Variants in SMAP2 observed in about 807,000 individuals in gnomAD.
SMAP2 encodes the protein small ArfGAP2.
In SMAP2, 25 loss-of-function variants were observed where a neutral mutation model predicts 56.4. The observed-to-expected ratio is 0.44, with a 90% confidence interval of 0.32 to 0.62. The LOEUF is 0.62. Among genes scored for constraint, SMAP2 ranks in the 20% least tolerant of loss-of-function variants. The probability of loss-of-function intolerance (pLI) is 0.04; values close to 1 mark genes in which losing one functional copy is unlikely to be tolerated. For missense variants in SMAP2, 388 were observed against 545.6 expected (o/e 0.71, Z 2.88); for synonymous variants, 157 against 181.7 (o/e 0.86, Z 1.09).
At chr1:40,409,697 CT>C in intron 3 of SMAP2, 59 bp from the exon 4 acceptor site, 1 of 1,188,744 alleles carries the variant, frequency 8.4e-7, no homozygotes, top group Non-Finnish European at 1.3e-6. Flanking sequence ...CACAATTGAT[CT>C]TTTATCTTCT....
At position 40,374,962 on chromosome 1, in the gene SMAP2, G is replaced by A; in HGVS notation, c.103+739G>A. The A allele has an allele frequency of 1.0e-6, 1 of 985,356 alleles. No individual in the cohort carries two copies. The highest frequency in any genetic ancestry group is 1.2e-6 in the Non-Finnish European group (1 of 829,902). 61.0% of individuals were successfully genotyped at this position (985,356 alleles called of 1,614,324 possible). On this transcript the variant is annotated intron_variant, in intron 1 of 9. Transcript: ENST00000372718. This position sits in a 1 kb window ranked among gnomAD's most constrained non-coding sequence, Gnocchi z 5.9. Reference sequence around the variant, plus strand: ...GTGCAGGATCCGTTTAATCAGTGGAGAGAGAAAGATGAATTCGATGAATTC... The same window carrying A: ...GTGCAGGATCCGTTTAATCAGTGGAAAGAGAAAGATGAATTCGATGAATTC...
chr1:40,345,691 C>T (rs891695310), intron 1 of SMAP2, among the ~76,000 whole-genome samples: 40 of 151,312 alleles, frequency 2.6e-4, no homozygotes, highest in African/African-American at 9.7e-4. Context: ...GAATTTATTT[C>T]CTGATCAGCA....
Position 40,358,859 on chromosome 1 carries a change from T to C in SMAP2, c.-82-3441T>C, listed in dbSNP as rs183328314. On this transcript the variant is annotated intron_variant, in intron 1 of 6. Coordinates refer to the SMAP2 transcript ENST00000435168. ...CTATTAATGTATTGGGGTCTATTTC[T>C]CTCTTTAGCTCTAATAATATTTCCT... Among the ~76,000 whole-genome samples, 188 of 152,318 alleles carry C rather than the reference T, an allele frequency of 1.2e-3. 1 individual carries two copies. The highest frequency in any genetic ancestry group is 4.4e-3 in the African/African-American group (181 of 41,564).
At chr1:40,391,477 T>C (rs1292122648) in intron 1 of SMAP2, among the ~76,000 whole-genome samples, 2 of 152,132 alleles carry the variant, frequency 1.3e-5, no homozygotes, top group Non-Finnish European at 2.9e-5. Flanking sequence ...AGGGTAATGA[T>C]TGAAATGTAT....
intron 4 of SMAP2, among the ~76,000 whole-genome samples, 189 bp downstream of exon 4, chr1:40,410,024 T>C (rs1265491732): frequency 2.6e-5 from 4 of 151,850 alleles, no homozygotes; most frequent in African/African-American, 9.7e-5. Context: ...GGAGGATCAC[T>C]TGAACCTAGA....
intron 1 of SMAP2, among the ~76,000 whole-genome samples, chr1:40,349,981 A>G (rs1644403560): frequency 1.3e-5 from 2 of 152,122 alleles, no homozygotes; most frequent in Non-Finnish European, 2.9e-5. Context: ...CCACCTTTCC[A>G]CAGAGTCAAG....
In SMAP2 at chr1:40,374,812, G is replaced by A; in HGVS notation, c.103+589G>A. The A allele has an allele frequency of 6.5e-7, 1 of 1,549,356 alleles. No homozygotes were observed. The highest frequency in any genetic ancestry group is 1.2e-5 in the South Asian group (1 of 83,978). ...TAGGTGACTTTATTCTTCTGGATGT[G>A]TGCAGTGGGAAACTGCCTTATGCAG... On this transcript the variant is annotated intron_variant, in intron 1 of 9. Transcript: ENST00000372718. The surrounding 1 kb of genome is among the most constrained non-coding windows in gnomAD (Gnocchi z 5.9).
intron 1 of SMAP2, among the ~76,000 whole-genome samples, chr1:40,378,515 GT>G (rs780460805): frequency 6.6e-6 from 1 of 152,078 alleles, no homozygotes; most frequent in Non-Finnish European, 1.5e-5. Flanking sequence ...GTCTCACTAT[GT>G]TTCTCAGGCT....
At chr1:40,372,451 T>A (rs1207420103), upstream of SMAP2, among the ~76,000 whole-genome samples, 1 of 152,150 alleles carries the variant, frequency 6.6e-6, no homozygotes, top group Non-Finnish European at 1.5e-5. Context: ...AACTAGTTAA[T>A]CTTGACTGTC....
chr1:40,348,840 T>C (rs1284839191), intron 1 of SMAP2, among the ~76,000 whole-genome samples: 1 of 151,412 alleles, frequency 6.6e-6, no homozygotes, highest in Non-Finnish European at 1.5e-5. Context: ...GTGCAATCTC[T>C]GCTCACTGCA....
At chr1:40,414,064 C>A in intron 5 of SMAP2, 95 bp from the exon 6 acceptor site, 1 of 1,036,396 alleles carries the variant, frequency 9.6e-7, no homozygotes, top group Non-Finnish European at 1.5e-6. Flanking sequence ...ATAACAGCAG[C>A]CCTACCCACA....
At chr1:40,410,457 T>C (rs1165299798) in intron 4 of SMAP2, among the ~76,000 whole-genome samples, 1 of 151,964 alleles carries the variant, frequency 6.6e-6, no homozygotes, top group East Asian at 1.9e-4. Context: ...ACTACAGCTA[T>C]ATCTATCTAC....
At chr1:40,401,025 C>T (rs1321374544) in intron 1 of SMAP2, among the ~76,000 whole-genome samples, 3 of 152,054 alleles carry the variant, frequency 2.0e-5, no homozygotes, top group Non-Finnish European at 4.4e-5. Context: ...TCTGGGAGGC[C>T]GAGAAGGGCG....
chr1:40,390,038 C>T (rs191629619), intron 1 of SMAP2, among the ~76,000 whole-genome samples: 3 of 151,894 alleles, frequency 2.0e-5, no homozygotes, highest in African/African-American at 4.8e-5. Flanking sequence ...ATTTTGACCT[C>T]ATTGTGTTCT....
chr1:40,394,010 A>G lies in SMAP2; in HGVS notation c.104-12726A>G, dbSNP rs144246905. Among the ~76,000 whole-genome samples, 273 of 152,292 alleles carry G rather than the reference A, an allele frequency of 1.8e-3. 1 individual carries two copies. The highest frequency in any genetic ancestry group is 6.1e-3 in the African/African-American group (253 of 41,544). ...GGCTCTAAAGAGAGCAAGGAAATCT[A>G]TCTTCTCCAGGAGTTTCAGTCATAG... On this transcript the variant is annotated intron_variant, in intron 1 of 9. Transcript: ENST00000372718.
Position 40,379,188 on chromosome 1 carries a change from C to G in SMAP2, c.103+4965C>G, listed in dbSNP as rs570886438. On this transcript the variant is annotated intron_variant, in intron 1 of 9. Transcript: ENST00000372718. ...GGTTTCACCATGTTGGTCAGGCTGG[C>G]CTCGAACTCCTGGCCTCGGGTGATC... Among the ~76,000 whole-genome samples, 6 of 151,898 alleles carry G rather than the reference C, an allele frequency of 4.0e-5. No individual in the cohort carries two copies. The South Asian group carries it at 1.3e-3, about 32-fold the overall frequency.
chr1:40,362,623 T>G (rs964191322), intron 2 of SMAP2, among the ~76,000 whole-genome samples: 1 of 152,182 alleles, frequency 6.6e-6, no homozygotes, highest in Non-Finnish European at 1.5e-5. Flanking sequence ...ATGTGATTTG[T>G]TTTTCCTCTC....
intron 1 of SMAP2, among the ~76,000 whole-genome samples, chr1:40,359,850 T>C (rs1644452145): frequency 6.6e-6 from 1 of 152,078 alleles, no homozygotes; most frequent in African/African-American, 2.4e-5. Context: ...TTTTTGTCAT[T>C]TCTGTCTATA....
intron 1 of SMAP2, among the ~76,000 whole-genome samples, chr1:40,395,064 C>T (rs986410034): frequency 6.6e-6 from 1 of 151,986 alleles, no homozygotes; most frequent in Non-Finnish European, 1.5e-5. Context: ...AATTAAAGAC[C>T]CAGATCACAG....
Sources: gnomAD v4.1 joint callset for allele counts (sites outside exome capture counted in the v4.1 genomes callset) on GRCh38, gnomAD v4.1.1 for gene constraint, Gnocchi (gnomAD v3.1) non-coding constraint, MANE v1.5 for transcripts, NCBI Gene and HGNC (gene_info 2026-07-23, HGNC 2026-07-21) for gene names.